ATAD5: variants seen among roughly 807,000 people sequenced by gnomAD.
ATAD5 encodes the protein ATPase family AAA domain containing 5.
ATAD5 carries 58 observed loss-of-function variants against 176.9 expected under a neutral mutation model. The observed-to-expected ratio is 0.33, with a 90% CI of 0.27 to 0.41. The LOEUF (loss-of-function observed/expected upper bound fraction) is 0.41. ATAD5 is among the 10% of genes least tolerant of loss of function. The pLI, the probability that ATAD5 is intolerant of heterozygous loss-of-function variation, is 1.00. For synonymous variants in ATAD5, 640 were observed against 712.6 expected (o/e 0.90, Z 1.62); for missense variants, 1,789 against 2,094.1 (o/e 0.85, Z 2.84).
chr17:30,878,850 G>A (rs1908842389), intron 17 of ATAD5, among the ~76,000 whole-genome samples: 1 of 147,966 alleles, frequency 6.8e-6, no homozygotes, highest in Admixed American at 7.0e-5. Flanking sequence ...TCCTGTCTCA[G>A]CCTCCTGAGT....
intron 1 of ATAD5, among the ~76,000 whole-genome samples, chr17:30,832,758 A>T (rs986081551): frequency 6.6e-6 from 1 of 152,224 alleles, no homozygotes; most frequent in Non-Finnish European, 1.5e-5. Context: ...GGTTCGTGAT[A>T]CGGAATCACT....
rs1457455897 is a variant in ATAD5, at chr17:30,893,691, C to G, written c.4838C>G (p.Ala1613Gly). The part of the protein sequence containing the change: ...ESKTGDEESK[A>G]RDKGNNPETK... ...AAAACCGGAGACGAAGAAAGCAAAG[C>G]CAGAGACAAAGGAAACAATCCAGAG... The change falls in exon 21 of 23, where the codon GCC becomes GGC. Residue 1613 changes from alanine (A) to glycine (G), a missense_variant. Physicochemically the swap from Ala to Gly is moderately conservative, Grantham distance 60. Coordinates refer to ENST00000321990, the MANE Select transcript of ATAD5 (RefSeq NM_024857.5). The G allele has an allele frequency of 6.2e-7, 1 of 1,613,342 alleles. No homozygotes were observed. The highest frequency in any genetic ancestry group is 1.1e-5 in the South Asian group (1 of 90,950).
chr17:30,843,420 A>C (rs966080509), intron 4 of ATAD5, among the ~76,000 whole-genome samples: 4 of 151,774 alleles, frequency 2.6e-5, no homozygotes, highest in African/African-American at 9.7e-5. Flanking sequence ...TGAGAGGCTG[A>C]GGCAGGCGGA....
chr17:30,853,836 C>T (rs925928980), intron 6 of ATAD5, among the ~76,000 whole-genome samples: 15 of 152,156 alleles, frequency 9.9e-5, no homozygotes, highest in African/African-American at 3.4e-4. Flanking sequence ...AATAAGGACC[C>T]TACTCTTCCT....
At chr17:30,839,580 C>CTTTT (rs1250741925) in intron 3 of ATAD5, among the ~76,000 whole-genome samples, 1 of 112,264 alleles carries the variant, frequency 8.9e-6, no homozygotes, top group African/African-American at 3.3e-5. Flanking sequence ...CGGCCATCTT[C>CTTTT]TTTTTTTTTT....
chr17:30,877,527 C>T lies in ATAD5; in HGVS notation c.3896C>T (p.Thr1299Ile). ...GAEEPSRKNA[T>I]SLILFEEVDV... is the part of the protein sequence containing the mutation. The stretch of plus-strand genomic sequence containing the variant: ...GAAGAACCCAGCAGAAAAAATGCAA[C>T]ATCTCTTATTCTTTTTGAGGAGGTA... The change falls in exon 16 of 23, where the codon ACA (threonine) becomes ATA (isoleucine). Residue 1299 changes from threonine (T) to isoleucine (I), a missense_variant. By Grantham distance (89) the Thr-to-Ile change is moderately conservative. Around this residue, in one of 6 missense-constraint regions of ATAD5, gnomAD observed 194 missense variants for 270.1 expected, o/e 0.72. Transcript: ENST00000321990. 6.2e-7 allele frequency: 1 copy of T among 1,610,722 alleles called. No homozygotes were observed. Among genetic ancestry groups the T allele is most frequent in the Non-Finnish European group, 8.5e-7 (1 of 1,179,152 alleles).
chr17:30,851,148 C>G, intron 6 of ATAD5, among the ~76,000 whole-genome samples: 1 of 146,874 alleles, frequency 6.8e-6, no homozygotes, highest in African/African-American at 2.5e-5. Flanking sequence ...CTCGGCCTCC[C>G]AAAGTGCTGG....
At position 30,876,469 on chromosome 17, in the gene ATAD5, A is replaced by C; in HGVS notation, c.3703A>C (p.Lys1235Gln). 1 of 1,609,092 alleles carries C rather than the reference A, an allele frequency of 6.2e-7. No individual in the cohort carries two copies. Among genetic ancestry groups the C allele is most frequent in the Non-Finnish European group, 8.5e-7 (1 of 1,176,462 alleles). ...SSGPKRALPP[K>Q]TLANYFKVSP... ...TGGACCAAAGCGAGCACTTCCTCCC[A>C]AAACCTTGGCAAATTATTTTAAAGT... The change falls in exon 15 of 23, where the codon AAA (lysine) becomes CAA (glutamine). Residue 1235 changes from lysine (K) to glutamine (Q), a missense_variant. Around this residue, in one of 6 missense-constraint regions of ATAD5, gnomAD observed 194 missense variants for 270.1 expected, o/e 0.72. Transcript: ENST00000321990.
chr17:30,887,816 TA>T (rs1567699998), intron 19 of ATAD5, among the ~76,000 whole-genome samples: 1 of 151,826 alleles, frequency 6.6e-6, no homozygotes, highest in Non-Finnish European at 1.5e-5. Context: ...ACCCTATCTC[TA>T]AAAAAAGAAA....
chr17:30,839,867 G>A lies in ATAD5; in HGVS notation c.2077-750G>A, dbSNP rs966236119. On this transcript the variant is annotated intron_variant, in intron 3 of 22. Transcript: ENST00000321990. ...CCCAAAGTGCTGGAATTAGAGGCAT[G>A]AGCCACTGTGTCCAGACTCTTTCTT... is the stretch of plus-strand genomic sequence containing the variant. Among the ~76,000 whole-genome samples, 5 of 151,730 alleles carry A rather than the reference G, an allele frequency of 3.3e-5. No homozygotes were observed. In the South Asian group the frequency reaches 1.1e-3, roughly 32 times the overall value.
chr17:30,869,024 A>C (rs1396629670), intron 12 of ATAD5, among the ~76,000 whole-genome samples: 1 of 149,238 alleles, frequency 6.7e-6, no homozygotes. Context: ...TTTAGTAGAG[A>C]TGGGGTTTGG....
At chr17:30,865,870 G>T (rs556262743) in intron 11 of ATAD5, 70 bp downstream of exon 11, 2 of 1,032,794 alleles carry the variant, frequency 1.9e-6, no homozygotes, top group Non-Finnish European at 2.8e-6. Flanking sequence ...TTTCGAAATT[G>T]TAGTTACAAA....
intron 18 of ATAD5, among the ~76,000 whole-genome samples, chr17:30,881,925 AT>A (rs1277055958): frequency 2.6e-5 from 4 of 151,434 alleles, no homozygotes; most frequent in African/African-American, 9.7e-5. Flanking sequence ...CCCCAAAAAA[AT>A]AATTGTTTCT....
intron 6 of ATAD5, among the ~76,000 whole-genome samples, chr17:30,848,352 C>T (rs1488918248): frequency 2.6e-5 from 4 of 151,902 alleles, no homozygotes; most frequent in Admixed American, 2.0e-4. Context: ...GTCAGGTGAT[C>T]GTCCCTCCCA....
intron 10 of ATAD5, among the ~76,000 whole-genome samples, chr17:30,863,744 A>C (rs1353255129): frequency 1.4e-5 from 2 of 141,936 alleles, no homozygotes; most frequent in East Asian, 4.1e-4. Context: ...GGCTCACTGC[A>C]ACCTCCACCT....
chr17:30,868,583 C>T (rs139128375), intron 12 of ATAD5, among the ~76,000 whole-genome samples, 171 bp downstream of exon 12: 7 of 149,038 alleles, frequency 4.7e-5, no homozygotes, highest in African/African-American at 1.5e-4. Context: ...TCTCGGCTCA[C>T]TGCTACCTCC....
At position 30,893,583 on chromosome 17, in the gene ATAD5, A is replaced by G; in HGVS notation, c.4730A>G (p.Asp1577Gly). 6.2e-7 allele frequency: 1 copy of G among 1,613,768 alleles called. No individual in the cohort carries two copies. Among genetic ancestry groups the G allele is most frequent in the East Asian group, 2.2e-5 (1 of 44,868 alleles). The change falls in exon 21 of 23, where the codon GAT becomes GGT. Residue 1577 changes from aspartate (D) to glycine (G), a missense_variant. Asp to Gly is a moderately conservative substitution (Grantham distance 94). Around this residue, in one of 6 missense-constraint regions of ATAD5, gnomAD observed 403 missense variants for 495.1 expected, o/e 0.81. Coordinates refer to ENST00000321990, the MANE Select transcript of ATAD5 (RefSeq NM_024857.5). ...KKTLVILDDS[D>G]LFDTDLDFPD... ...ACATTGGTAATATTAGATGATAGTG[A>G]TCTATTTGACACTGACTTGGACTTT... is the stretch of plus-strand genomic sequence containing the variant.
intron 2 of ATAD5, among the ~76,000 whole-genome samples, chr17:30,836,913 T>C (rs1197750256): frequency 4.6e-5 from 7 of 152,182 alleles, no homozygotes; most frequent in African/African-American, 1.7e-4. Flanking sequence ...ATGGGAATTA[T>C]TTTTTTCCTC....
At chr17:30,849,148 G>A (rs1468291609) in intron 6 of ATAD5, among the ~76,000 whole-genome samples, 1 of 152,194 alleles carries the variant, frequency 6.6e-6, no homozygotes. Flanking sequence ...TAGGATTACA[G>A]GTGTGAGCCA....
Sources: gnomAD v4.1 joint callset for allele counts (sites outside exome capture counted in the v4.1 genomes callset) on GRCh38, gnomAD v4.1.1 for gene constraint, gnomAD v4.1.1 regional missense constraint, MANE v1.5 for transcripts, NCBI Gene and HGNC (gene_info 2026-07-23, HGNC 2026-07-21) for gene names.